Variants in PAK5 observed in about 807,000 individuals in gnomAD.
The protein encoded by PAK5 is serine/threonine-protein kinase PAK 5.
PAK5 carries 16 observed loss-of-function variants against 65.9 expected under a neutral mutation model. The observed-to-expected ratio is 0.24, with a 90% CI of 0.16 to 0.37. The LOEUF is 0.37. Among genes scored for constraint, PAK5 ranks in the 10% least tolerant of loss-of-function variants. PAK5 has a pLI of 1.00. For missense variants in PAK5, 785 were observed against 903.9 expected (o/e 0.87, Z 1.69); for synonymous variants, 371 against 354.9 (o/e 1.05, Z -0.51).
At chr20:9,605,703 CG>C (rs1428658000) in intron 3 of PAK5, among the ~76,000 whole-genome samples, 1 of 152,090 alleles carries the variant, frequency 6.6e-6, no homozygotes, top group African/African-American at 2.4e-5. Context: ...CCAAGGCAGG[CG>C]GATCACTCGA....
At chr20:9,559,126 T>G (rs561728350) in intron 6 of PAK5, among the ~76,000 whole-genome samples, 1 of 152,296 alleles carries the variant, frequency 6.6e-6, no homozygotes, top group Admixed American at 6.5e-5. Context: ...GGTTGTTCAG[T>G]GCCCTCAAAA....
intron 5 of PAK5, among the ~76,000 whole-genome samples, chr20:9,565,140 T>G (rs955252417): frequency 6.6e-6 from 1 of 151,882 alleles, no homozygotes; most frequent in African/African-American, 2.4e-5. Flanking sequence ...GTCAATATAT[T>G]TTATGATATT....
chr20:9,589,670 T>A (rs2046131608), intron 3 of PAK5, among the ~76,000 whole-genome samples: 1 of 152,170 alleles, frequency 6.6e-6, no homozygotes, highest in Non-Finnish European at 1.5e-5. Context: ...AATTTCTGTT[T>A]TTTTGTTTGT....
chr20:9,640,053 TTTA>T (rs1224133291), intron 3 of PAK5, among the ~76,000 whole-genome samples: 2 of 152,094 alleles, frequency 1.3e-5, no homozygotes, highest in African/African-American at 4.8e-5. Context: ...AGCTAGAATG[TTTA>T]TTATTTTTTT....
intron 1 of PAK5, among the ~76,000 whole-genome samples, chr20:9,733,613 T>G (rs1160053819): frequency 6.6e-6 from 1 of 152,034 alleles, no homozygotes; most frequent in African/African-American, 2.4e-5. Context: ...CCCAACTAAT[T>G]TTTGTGTTTT....
At position 9,566,185 on chromosome 20, in the gene PAK5, G is replaced by C. The variant is rs1018346655; in HGVS notation, c.1190C>G (p.Thr397Arg). Residue 397 changes from threonine to arginine, a missense_variant, in exon 5 of 10, where the codon ACG becomes AGG. Physicochemically the swap from Thr to Arg is moderately conservative, Grantham distance 71. Transcript: ENST00000353224. ...SLQSSSQYISTASYLSSLSLS... is the reference protein window; with the variant it reads ...SLQSSSQYISRASYLSSLSLS... ...GCTGAGGGAGCTCAGGTAGGAAGCC[G>C]TGGAGATGTACTGCGAACTGCTCTG... is the stretch of plus-strand genomic sequence containing the variant. 6.2e-7 allele frequency: 1 copy of C among 1,613,962 alleles called. No homozygotes were observed. Among genetic ancestry groups the C allele is most frequent in the Non-Finnish European group, 8.5e-7 (1 of 1,179,988 alleles).
chr20:9,588,922 T>C (rs2046117301), intron 3 of PAK5, among the ~76,000 whole-genome samples: 1 of 152,196 alleles, frequency 6.6e-6, no homozygotes, highest in African/African-American at 2.4e-5. Flanking sequence ...TTCCATGGGC[T>C]GTTGGCTGGT....
intron 3 of PAK5, among the ~76,000 whole-genome samples, chr20:9,596,635 C>CAAAAAAAA (rs35576059): frequency 1.9e-5 from 1 of 52,816 alleles, no homozygotes; most frequent in Admixed American, 2.4e-4. Context: ...GACTCCGTCT[C>CAAAAAAAA]AAAAAAAAAA....
At chr20:9,742,412 G>A (rs570577861) in intron 1 of PAK5, among the ~76,000 whole-genome samples, 1 of 152,310 alleles carries the variant, frequency 6.6e-6, no homozygotes, top group African/African-American at 2.4e-5. Flanking sequence ...TCATTAATCA[G>A]ATGGAAGTGG....
In PAK5 at chr20:9,539,873, A is replaced by G. The variant is rs151187087; in HGVS notation, c.2005-256T>C. Among the ~76,000 whole-genome samples, 921 of 152,346 alleles carry G rather than the reference A, an allele frequency of 6.0e-3. 10 individuals carry two copies. Among genetic ancestry groups the G allele is most frequent in the African/African-American group, 0.021 (877 of 41,572 alleles). On this transcript the variant is annotated intron_variant, in intron 9 of 9. Coordinates refer to ENST00000353224, the MANE Select transcript of PAK5 (RefSeq NM_177990.4). ...AAACTTATTTACTACATAAAATAAC[A>G]GTGGCAATCACAGTGATAAGAGCAG... is the stretch of plus-strand genomic sequence containing the variant.
chr20:9,539,701 C>G, intron 9 of PAK5, 84 bp from the exon 10 acceptor site: 1 of 1,090,356 alleles, frequency 9.2e-7, no homozygotes, highest in Non-Finnish European at 1.4e-6. Context: ...TTCATCCTAT[C>G]AACAACTTCA....
In PAK5 at chr20:9,538,180, T is replaced by C; in HGVS notation, c.*1282A>G. 1 of 233,546 alleles carries C rather than the reference T, an allele frequency of 4.3e-6. No homozygotes were observed. Among genetic ancestry groups the C allele is most frequent in the Non-Finnish European group, 8.5e-6 (1 of 117,958 alleles). The allele number at this position is 233,546 out of a possible 1,614,324, so 14.5% of individuals were successfully genotyped here. A position where few individuals can be genotyped will look rare whatever the true frequency, so the allele number is the denominator to read the frequency against. On this transcript the variant is annotated 3_prime_UTR_variant, in exon 10 of 10. Transcript: ENST00000353224. ...CAAAATGTATTGTAGTAGTCATTCA[T>C]TTTTATCAACATTCAAGAAGATCTA...
At chr20:9,740,466 G>T (rs545818274) in intron 1 of PAK5, among the ~76,000 whole-genome samples, 14 of 152,222 alleles carry the variant, frequency 9.2e-5, no homozygotes, top group African/African-American at 3.1e-4. Flanking sequence ...TATACCTTTT[G>T]CCATGTAACA....
intron 6 of PAK5, among the ~76,000 whole-genome samples, chr20:9,562,328 G>A (rs1467155541): frequency 6.6e-6 from 1 of 152,146 alleles, no homozygotes; most frequent in Non-Finnish European, 1.5e-5. Context: ...CATAAAAGGT[G>A]CTCAATAAAT....
intron 3 of PAK5, among the ~76,000 whole-genome samples, chr20:9,641,867 T>C (rs1673551717): frequency 6.6e-6 from 1 of 152,284 alleles, no homozygotes; most frequent in Middle Eastern, 3.4e-3. Flanking sequence ...CCAGCAGGGC[T>C]GGCTGGGTGC....
Position 9,541,903 on chromosome 20 carries a change from C to T in PAK5, c.2004+683G>A, listed in dbSNP as rs1198992273. The stretch of plus-strand genomic sequence containing the variant: ...CCCCTGTGCGCTCTCTCTCTCCTGC[C>T]ACCATGTAAGACATGCCTTGCTTCC... On this transcript the variant is annotated intron_variant, in intron 9 of 9. Coordinates refer to ENST00000353224, the MANE Select transcript of PAK5 (RefSeq NM_177990.4). Among the ~76,000 whole-genome samples the T allele has an allele frequency of 2.6e-5, 4 of 152,182 alleles. No homozygotes were observed. In the South Asian group the frequency reaches 8.3e-4, roughly 32 times the overall value.
At chr20:9,607,119 G>C (rs1472579364) in intron 3 of PAK5, among the ~76,000 whole-genome samples, 2 of 152,176 alleles carry the variant, frequency 1.3e-5, no homozygotes, top group Non-Finnish European at 2.9e-5. Flanking sequence ...TAACGTTGGA[G>C]TTGAAAAGCC....
chr20:9,575,681 A>C (rs913623259), intron 4 of PAK5: 4 of 152,148 alleles, frequency 2.6e-5, no homozygotes, highest in Non-Finnish European at 5.9e-5. Flanking sequence ...AGGAAGAATA[A>C]ACAGCATTCC....
intron 1 of PAK5, among the ~76,000 whole-genome samples, chr20:9,753,743 C>T (rs947615863): frequency 3.9e-5 from 6 of 152,102 alleles, no homozygotes; most frequent in African/African-American, 4.8e-5. Context: ...AACACAATCC[C>T]AAATAGGTGC....
Sources: allele counts gnomAD v4.1 joint callset (sites outside exome capture counted in the v4.1 genomes callset), GRCh38; gene constraint gnomAD v4.1.1; transcripts MANE v1.5; gene names NCBI Gene and HGNC (gene_info 2026-07-23, HGNC 2026-07-21).